CSMD1: variants seen among roughly 807,000 people sequenced by gnomAD.
CSMD1 encodes the protein CUB and Sushi multiple domains 1, also known as CUB and sushi domain-containing protein 1.
A neutral mutation model predicts 417.5 loss-of-function variants in CSMD1; 213 were observed. The ratio of observed to expected loss-of-function variants is 0.51; its 90% CI spans 0.46 to 0.57. The LOEUF (loss-of-function observed/expected upper bound fraction) is 0.57. Ranked by LOEUF, CSMD1 falls within the 20% of genes least tolerant of loss-of-function variation. The probability of loss-of-function intolerance (pLI) is 0.00; values close to 1 mark genes in which losing one functional copy is unlikely to be tolerated. For missense variants in CSMD1, 6,923 were observed against 4,529.7 expected (o/e 1.53, Z -15.17); for synonymous variants, 2,862 against 1,736.8 (o/e 1.65, Z -16.11).
intron 17 of CSMD1, among the ~76,000 whole-genome samples, chr8:3,394,310 G>C (rs991059957): frequency 1.3e-5 from 2 of 148,172 alleles, no homozygotes; most frequent in Admixed American, 6.8e-5. Context: ...TATAATATTA[G>C]TGAGGATGAC....
At chr8:3,235,158 T>A (rs984035478) in intron 26 of CSMD1, among the ~76,000 whole-genome samples, 7 of 152,158 alleles carry the variant, frequency 4.6e-5, no homozygotes, top group Non-Finnish European at 1.0e-4. Context: ...ACTGTAAATA[T>A]CGCAACATTT....
chr8:3,680,851 G>C (rs1799618134), intron 7 of CSMD1, among the ~76,000 whole-genome samples: 1 of 152,124 alleles, frequency 6.6e-6, no homozygotes, highest in Non-Finnish European at 1.5e-5. Flanking sequence ...TGATCAAGTG[G>C]GCTTCATCCC....
intron 5 of CSMD1, among the ~76,000 whole-genome samples, chr8:3,965,716 C>G (rs945607124): frequency 3.3e-5 from 5 of 152,130 alleles, no homozygotes; most frequent in African/African-American, 1.2e-4. Flanking sequence ...CTCCCACTTT[C>G]CGGAGATTCT....
At chr8:4,673,700 C>A (rs2130954559) in intron 1 of CSMD1, among the ~76,000 whole-genome samples, 1 of 152,258 alleles carries the variant, frequency 6.6e-6, no homozygotes, top group South Asian at 2.1e-4. Context: ...CCCAAGAAAA[C>A]CCACAGCTGG....
intron 11 of CSMD1, 101 bp downstream of exon 11, chr8:3,493,522 C>T: frequency 2.1e-6 from 2 of 953,528 alleles, no homozygotes; most frequent in Admixed American, 2.3e-5. Flanking sequence ...ACTAAGCAAA[C>T]ACCTGAGGCC....
chr8:4,174,712 A>AGAGGAAGAAGGATGT (rs1797943908), intron 3 of CSMD1, among the ~76,000 whole-genome samples: 1 of 14,960 alleles, frequency 6.7e-5, no homozygotes, highest in Admixed American at 7.7e-4. Context: ...CACTGAAGAG[A>AGAGGAAGAAGGATGT]GAGGAAGAGG....
chr8:3,089,392 A>G (rs1178670758), intron 48 of CSMD1, among the ~76,000 whole-genome samples: 1 of 152,222 alleles, frequency 6.6e-6, no homozygotes, highest in East Asian at 1.9e-4. Context: ...TGCGCTTAGC[A>G]CAGTTTACGG....
intron 26 of CSMD1, among the ~76,000 whole-genome samples, chr8:3,282,323 C>A (rs1742747575): frequency 6.6e-6 from 1 of 152,008 alleles, no homozygotes; most frequent in South Asian, 2.1e-4. Flanking sequence ...CACGTGGGAA[C>A]TCTGTGCCTT....
At chr8:4,674,287 G>A (rs1805536513) in intron 1 of CSMD1, among the ~76,000 whole-genome samples, 1 of 152,136 alleles carries the variant, frequency 6.6e-6, no homozygotes. Flanking sequence ...GGCATGTGCA[G>A]GGCACAGGGA....
At chr8:4,036,483 G>A (rs978139070) in intron 3 of CSMD1, among the ~76,000 whole-genome samples, 1 of 152,140 alleles carries the variant, frequency 6.6e-6, no homozygotes, top group Non-Finnish European at 1.5e-5. Flanking sequence ...AGAAATATTT[G>A]TAAACACCCA....
chr8:3,917,946 A>T (rs1808940549), intron 5 of CSMD1, among the ~76,000 whole-genome samples: 1 of 152,176 alleles, frequency 6.6e-6, no homozygotes, highest in African/African-American at 2.4e-5. Flanking sequence ...ATCTAATTTT[A>T]AATGTTTAAA....
intron 23 of CSMD1, among the ~76,000 whole-genome samples, chr8:3,311,218 T>A (rs958631837): frequency 6.6e-5 from 10 of 152,178 alleles, no homozygotes; most frequent in Admixed American, 6.5e-4. Flanking sequence ...TAAGAAATTG[T>A]TGACATGAGA....
chr8:4,584,183 C>T (rs1395874094), intron 2 of CSMD1, among the ~76,000 whole-genome samples: 8 of 152,026 alleles, frequency 5.3e-5, no homozygotes, highest in Non-Finnish European at 1.0e-4. Flanking sequence ...CTCACTGCGA[C>T]GGTCCGTGGC....
At chr8:3,770,473 G>A (rs747928845) in intron 5 of CSMD1, among the ~76,000 whole-genome samples, 2 of 152,118 alleles carry the variant, frequency 1.3e-5, no homozygotes, top group Admixed American at 6.6e-5. Flanking sequence ...AGATTGCAGT[G>A]AGCCAAGATC....
At chr8:3,791,595 G>A (rs530633581) in intron 5 of CSMD1, among the ~76,000 whole-genome samples, 10 of 152,274 alleles carry the variant, frequency 6.6e-5, no homozygotes, top group South Asian at 4.1e-4. Flanking sequence ...AGGCCTAGGA[G>A]GGTTGATCAC....
At position 3,932,266 on chromosome 8, in the gene CSMD1, G is replaced by C. The variant is rs1159133908; in HGVS notation, c.818+65637C>G. 1.3e-5 allele frequency among the ~76,000 whole-genome samples: 2 copies of C among 150,546 alleles called. 1 individual carries two copies. The highest frequency in any genetic ancestry group is 4.9e-5 in the African/African-American group (2 of 40,826). ...AGCAGGAAAATCGACGAAAGTAATA[G>C]TTGGTTGAGAATTCTCAAGAAGTTT... On this transcript the variant is annotated intron_variant, in intron 5 of 69. Coordinates refer to ENST00000635120, the MANE Select transcript of CSMD1 (RefSeq NM_033225.6).
chr8:3,960,423 C>T (rs1186333642), intron 5 of CSMD1, among the ~76,000 whole-genome samples: 1 of 152,042 alleles, frequency 6.6e-6, no homozygotes, highest in African/African-American at 2.4e-5. Flanking sequence ...CTAGATAGTC[C>T]CTCAATGCTA....
intron 3 of CSMD1, among the ~76,000 whole-genome samples, chr8:4,225,469 A>C (rs1234814964): frequency 6.6e-6 from 1 of 151,798 alleles, no homozygotes; most frequent in Admixed American, 6.6e-5. Flanking sequence ...AATAAAATAC[A>C]AAATGCTTCA....
At chr8:3,126,372 G>A (rs757378240) in intron 41 of CSMD1, among the ~76,000 whole-genome samples, 11 of 152,192 alleles carry the variant, frequency 7.2e-5, no homozygotes, top group Non-Finnish European at 1.3e-4. Context: ...GACCCAGGAG[G>A]AGGCTACTGC....
Sources: gnomAD v4.1 joint callset for allele counts (sites outside exome capture counted in the v4.1 genomes callset) on GRCh38, gnomAD v4.1.1 for gene constraint, MANE v1.5 for transcripts, NCBI Gene and HGNC (gene_info 2026-07-23, HGNC 2026-07-21) for gene names.